Variants in MIOS observed in about 807,000 individuals in gnomAD.
MIOS encodes the protein GATOR2 complex protein MIOS.
In MIOS, 52 loss-of-function variants were observed where a neutral mutation model predicts 96.9. The ratio of observed to expected loss-of-function variants is 0.54; its 90% CI spans 0.43 to 0.68. The LOEUF is 0.68. MIOS is among the 30% of genes least tolerant of loss of function. The probability of loss-of-function intolerance (pLI) is 0.00; values close to 1 mark genes in which losing one functional copy is unlikely to be tolerated. For missense variants in MIOS, 1,005 were observed against 1,052.8 expected, an observed-to-expected ratio of 0.95 and a Z score of 0.63; for synonymous variants, 397 against 359.5, an observed-to-expected ratio of 1.10 and a Z score of -1.18.
At position 7,595,137 on chromosome 7, in the gene MIOS, G is replaced by A; in HGVS notation, c.2196+5G>A. On this transcript the variant is annotated splice_donor_5th_base_variant and intron_variant, in intron 10 of 12. Coordinates refer to ENST00000340080, the MANE Select transcript of MIOS (RefSeq NM_019005.4). ...AGTTCCAAGCCTTTAGCACAAGTAA[G>A]TACATTGTTTTGGAGAAAATCAAAT... 2 of 1,602,340 alleles carry A rather than the reference G, an allele frequency of 1.2e-6. No homozygotes were observed. The highest frequency in any genetic ancestry group is 1.7e-6 in the Non-Finnish European group (2 of 1,176,706).
At chr7:7,597,210 C>T (rs976164432) in intron 11 of MIOS, among the ~76,000 whole-genome samples, 1 of 151,460 alleles carries the variant, frequency 6.6e-6, no homozygotes, top group African/African-American at 2.4e-5. Flanking sequence ...CCTGTAGTCC[C>T]AGCTGCTTGG....
intron 11 of MIOS, among the ~76,000 whole-genome samples, chr7:7,604,889 G>T (rs1194157973): frequency 1.3e-5 from 2 of 151,648 alleles, no homozygotes; most frequent in Non-Finnish European, 2.9e-5. Context: ...GTACATATCA[G>T]ATCTATATTT....
intron 7 of MIOS, among the ~76,000 whole-genome samples, chr7:7,587,001 TTTTTTTTGTTG>T (rs1415210788): frequency 3.0e-4 from 45 of 148,776 alleles, no homozygotes; most frequent in African/African-American, 1.2e-3. Context: ...TTTTTTTTTT[TTTTTTTTGTTG>T]TTGTTGTTGT....
At chr7:7,585,415 C>CTTTTTTTTTTTTT (rs1563027906) in intron 6 of MIOS, among the ~76,000 whole-genome samples, 1 of 142,630 alleles carries the variant, frequency 7.0e-6, no homozygotes. Flanking sequence ...CAAACCCCCC[C>CTTTTTTTTTTTTT]CTTTTTTTTT....
Position 7,588,516 on chromosome 7 carries a change from G to C in MIOS, c.1837G>C (p.Val613Leu). 1 of 1,590,896 alleles carries C rather than the reference G, an allele frequency of 6.3e-7. No homozygotes were observed. The highest frequency in any genetic ancestry group is 8.6e-7 in the Non-Finnish European group (1 of 1,167,456). The part of the protein sequence containing the change: ...DGVLYENKVA[V>L]RDRVAFACKF... ...TTTCCAGTATGAAAACAAAGTTGCAGTACGTGACAGAGTGGCATTTGCTTG... is the reference window on the plus strand; with the variant it reads ...TTTCCAGTATGAAAACAAAGTTGCACTACGTGACAGAGTGGCATTTGCTTG... The change falls in exon 8 of 13, where the codon GTA becomes CTA. Residue 613 changes from valine to leucine, a missense_variant. This residue lies in a region of MIOS where 865 missense variants were observed against 887.9 expected (regional missense o/e 0.97). Coordinates refer to ENST00000340080, the MANE Select transcript of MIOS (RefSeq NM_019005.4).
chr7:7,578,785 A>G (rs1783618490), intron 5 of MIOS, among the ~76,000 whole-genome samples: 1 of 151,836 alleles, frequency 6.6e-6, no homozygotes, highest in Non-Finnish European at 1.5e-5. Flanking sequence ...ATCTTGGCTC[A>G]CTGCAACTTC....
intron 11 of MIOS, among the ~76,000 whole-genome samples, chr7:7,603,760 CACGTAT>C (rs1784445648): frequency 2.6e-5 from 4 of 152,198 alleles, no homozygotes; most frequent in Non-Finnish European, 4.4e-5. Flanking sequence ...GACACATGCA[CACGTAT>C]GTTTATTGCA....
intron 11 of MIOS, among the ~76,000 whole-genome samples, chr7:7,601,646 A>C (rs1784382306): frequency 6.6e-6 from 1 of 152,216 alleles, no homozygotes; most frequent in Admixed American, 6.5e-5. Context: ...CAGAGGTACA[A>C]GGAGGAGCTG....
chr7:7,582,847 A>G, intron 5 of MIOS: 1 of 339,606 alleles, frequency 2.9e-6, no homozygotes, highest in Non-Finnish European at 5.0e-6. Flanking sequence ...AAGTATGTCT[A>G]TTTTAGATTA....
intron 5 of MIOS, chr7:7,581,793 T>C (rs1361314774): frequency 6.6e-6 from 1 of 152,246 alleles, no homozygotes; most frequent in Non-Finnish European, 1.5e-5. Flanking sequence ...ATCTGTCTCC[T>C]GCTGCTTCTC....
intron 11 of MIOS, among the ~76,000 whole-genome samples, chr7:7,598,904 G>T (rs534867956): frequency 9.9e-5 from 15 of 152,080 alleles, no homozygotes; most frequent in African/African-American, 3.4e-4. Context: ...ATTTGTTATA[G>T]AATTTTTTTC....
chr7:7,591,986 T>C (rs948111959), intron 9 of MIOS, among the ~76,000 whole-genome samples: 1 of 968 alleles, frequency 1.0e-3, no homozygotes, highest in African/African-American at 1.3e-3. Context: ...ATTGGTTAAT[T>C]TTTTTTTTTT....
intron 11 of MIOS, among the ~76,000 whole-genome samples, chr7:7,603,913 G>A (rs936843657): frequency 6.6e-6 from 1 of 151,958 alleles, no homozygotes; most frequent in Non-Finnish European, 1.5e-5. Flanking sequence ...TCCTTTGTAG[G>A]GACATGGATG....
intron 5 of MIOS, among the ~76,000 whole-genome samples, chr7:7,580,485 A>G (rs2115391387): frequency 6.6e-6 from 1 of 152,298 alleles, no homozygotes; most frequent in East Asian, 1.9e-4. Context: ...AAGTGGAATT[A>G]TTTAACTAAT....
At chr7:7,584,076 T>A (rs1297538871) in intron 6 of MIOS, among the ~76,000 whole-genome samples, 4 of 152,134 alleles carry the variant, frequency 2.6e-5, no homozygotes. Context: ...TAAAAAATAA[T>A]TTTTGAATAT....
At chr7:7,570,028 A>G (rs1783296846) in intron 3 of MIOS, among the ~76,000 whole-genome samples, 1 of 133,242 alleles carries the variant, frequency 7.5e-6, no homozygotes, top group African/African-American at 2.8e-5. Context: ...GTTTTAAGCA[A>G]GGAAGGATAG....
At chr7:7,595,575 A>G (rs1784180892) in intron 10 of MIOS, among the ~76,000 whole-genome samples, 1 of 152,226 alleles carries the variant, frequency 6.6e-6, no homozygotes, top group Non-Finnish European at 1.5e-5. Context: ...GTTGTCACAT[A>G]AGGTATACCA....
intron 11 of MIOS, among the ~76,000 whole-genome samples, chr7:7,596,934 C>G (rs568159603): frequency 6.6e-6 from 1 of 152,242 alleles, no homozygotes; most frequent in African/African-American, 2.4e-5. Context: ...GTGGCTCATG[C>G]CTGTAATCCC....
intron 11 of MIOS, chr7:7,605,617 G>A (rs1025800094): frequency 4.9e-6 from 1 of 202,896 alleles, no homozygotes; most frequent in Non-Finnish European, 1.0e-5. Context: ...TGAATGTTAA[G>A]TAAAATTCAC....
Sources: gnomAD v4.1 joint callset for allele counts (sites outside exome capture counted in the v4.1 genomes callset) on GRCh38, gnomAD v4.1.1 for gene constraint, gnomAD v4.1.1 regional missense constraint, MANE v1.5 for transcripts, NCBI Gene and HGNC (gene_info 2026-07-23, HGNC 2026-07-21) for gene names.